DMXL2: variants seen among roughly 807,000 people sequenced by gnomAD.
DMXL2 encodes the protein dmX-like protein 2.
DMXL2 carries 103 observed loss-of-function variants against 331.1 expected under a neutral mutation model. The ratio of observed to expected loss-of-function variants is 0.31; its 90% CI spans 0.27 to 0.37. DMXL2 has a LOEUF of 0.37. DMXL2 is among the 10% of genes least tolerant of loss of function. The pLI is 1.00. For synonymous variants in DMXL2, 1,281 were observed against 1,252.1 expected, an observed-to-expected ratio of 1.02 and a Z score of -0.49; for missense variants, 3,171 against 3,642.9, an observed-to-expected ratio of 0.87 and a Z score of 3.33.
Position 51,535,691 on chromosome 15 carries a change from A to G in DMXL2, c.2408T>C (p.Leu803Ser). 1 of 1,606,458 alleles carries G rather than the reference A, an allele frequency of 6.2e-7. No individual in the cohort carries two copies. Among genetic ancestry groups the G allele is most frequent in the Non-Finnish European group, 8.5e-7 (1 of 1,176,654 alleles). Reference protein sequence around the residue: ...YQAVVDARKLLDELSDPESSK... With the variant: ...YQAVVDARKLSDELSDPESSK... ...AGATTCTGGGTCTGACAATTCATCT[A>G]ATAATTTCCTTGCATCCACTACAGC... Residue 803 changes from leucine to serine, a missense_variant, in exon 13 of 44, where the codon TTA (leucine) becomes TCA (serine). Coordinates refer to ENST00000560891, the MANE Select transcript of DMXL2 (RefSeq NM_001378457.1).
intron 9 of DMXL2, among the ~76,000 whole-genome samples, chr15:51,539,374 TCA>T (rs58154523): frequency 4.1e-4 from 63 of 152,306 alleles, no homozygotes; most frequent in African/African-American, 1.5e-3. Context: ...CCAACTTTTC[TCA>T]GTGTTTGAAA....
chr15:51,481,414 G>A lies in DMXL2; in HGVS notation c.5692C>T (p.Pro1898Ser). ...GAGAGTACCTCCAAGGCTAAAACAG[G>A]GCATCCAACTTTAAAATGAGCATTT... ...TANAHFKVGC[P>S]VLALEVLSKI... The change falls in exon 24 of 44, where the codon CCT (proline) becomes TCT (serine). Residue 1898 changes from proline to serine, a missense_variant. Physicochemically the swap from Pro to Ser is moderately conservative, Grantham distance 74. Coordinates refer to ENST00000560891, the MANE Select transcript of DMXL2 (RefSeq NM_001378457.1). 2 of 1,611,472 alleles carry A rather than the reference G, an allele frequency of 1.2e-6. No homozygotes were observed. Among genetic ancestry groups the A allele is most frequent in the East Asian group, 2.2e-5 (1 of 44,856 alleles).
At chr15:51,451,914 C>G (rs2039177259) in intron 41 of DMXL2, among the ~76,000 whole-genome samples, 2 of 152,198 alleles carry the variant, frequency 1.3e-5, no homozygotes, top group Admixed American at 6.5e-5. Context: ...GCATCCTCTA[C>G]CCCATCTCCT....
At chr15:51,511,239 C>T (rs1432497323) in intron 15 of DMXL2, among the ~76,000 whole-genome samples, 1 of 152,166 alleles carries the variant, frequency 6.6e-6, no homozygotes, top group Non-Finnish European at 1.5e-5. Context: ...AAGAAACTAT[C>T]ACCAGAATAA....
chr15:51,581,012 T>C lies in DMXL2; in HGVS notation c.88-4831A>G, dbSNP rs527710266. Among the ~76,000 whole-genome samples, 9 of 152,318 alleles carry C rather than the reference T, an allele frequency of 5.9e-5. No individual in the cohort carries two copies. The South Asian group carries it at 1.9e-3, about 32-fold the overall frequency. On this transcript the variant is annotated intron_variant, in intron 1 of 43. Transcript: ENST00000560891. ...TTTAAAGTTGTGCGAATGTGTTTCTTTTCTTTGCTGTGGTACTATTACCAC... is the reference window on the plus strand; with the variant it reads ...TTTAAAGTTGTGCGAATGTGTTTCTCTTCTTTGCTGTGGTACTATTACCAC...
At chr15:51,479,064 A>G (rs182170846) in intron 25 of DMXL2, among the ~76,000 whole-genome samples, 73 of 152,300 alleles carry the variant, frequency 4.8e-4, no homozygotes, top group African/African-American at 1.7e-3. Flanking sequence ...ATGTCTAGGA[A>G]CTAGAAATGT....
At chr15:51,493,987 A>G (rs538651643) in intron 19 of DMXL2, among the ~76,000 whole-genome samples, 2 of 152,278 alleles carry the variant, frequency 1.3e-5, no homozygotes, top group East Asian at 1.9e-4. Context: ...AATGTAAATG[A>G]GCACATTTCT....
At position 51,582,635 on chromosome 15, in the gene DMXL2, CT is replaced by C. The variant is rs1453928947; in HGVS notation, c.88-6455del. Among the ~76,000 whole-genome samples the C allele has an allele frequency of 2.0e-5, 3 of 152,106 alleles. No homozygotes were observed. In the East Asian group the frequency reaches 5.8e-4, roughly 29 times the overall value. On this transcript the variant is annotated intron_variant, in intron 1 of 43. Coordinates refer to ENST00000560891, the MANE Select transcript of DMXL2 (RefSeq NM_001378457.1). ...TAGTCACCTAATTAAAACCCTAGCT[CT>C]TTATGATACTCTCAGAATTATTAAT... is the stretch of plus-strand genomic sequence containing the variant.
intron 13 of DMXL2, among the ~76,000 whole-genome samples, chr15:51,533,080 G>A: frequency 6.6e-6 from 1 of 152,182 alleles, no homozygotes; most frequent in East Asian, 1.9e-4. Context: ...ACCCTTTACA[G>A]TCAGTAGAAT....
intron 38 of DMXL2, 23 bp from the exon 39 acceptor site, chr15:51,456,216 G>A (rs749324171): frequency 5.6e-6 from 9 of 1,601,498 alleles, no homozygotes; most frequent in Non-Finnish European, 7.7e-6. Flanking sequence ...AGAAAAAGCA[G>A]GAAATAAGAA....
intron 15 of DMXL2, among the ~76,000 whole-genome samples, chr15:51,509,135 T>C (rs74013275): frequency 1.8e-3 from 273 of 151,228 alleles, no homozygotes; most frequent in African/African-American, 6.5e-3. Flanking sequence ...GTACAGGCAA[T>C]ACAGTAGACA....
chr15:51,602,735 A>T (rs1211028966), intron 1 of DMXL2, among the ~76,000 whole-genome samples: 1 of 152,262 alleles, frequency 6.6e-6, no homozygotes, highest in African/African-American at 2.4e-5. Context: ...AAGGCTTTGA[A>T]AATGGAACTT....
chr15:51,587,611 T>A (rs186750726), intron 1 of DMXL2, among the ~76,000 whole-genome samples: 2 of 152,210 alleles, frequency 1.3e-5, no homozygotes, highest in Admixed American at 1.3e-4. Context: ...CTATTGTGAA[T>A]AGTGCCGCAG....
Position 51,498,904 on chromosome 15 carries a change from A to G in DMXL2, c.4320T>C (p.Asp1440=). The G allele has an allele frequency of 5.0e-6, 8 of 1,614,134 alleles. No individual in the cohort carries two copies. Among genetic ancestry groups the G allele is most frequent in the African/African-American group, 1.3e-5 (1 of 75,060 alleles). The change falls in exon 18 of 44, where the codon GAT becomes GAC. Residue 1440 remains aspartate, a synonymous_variant. Coordinates refer to ENST00000560891, the MANE Select transcript of DMXL2 (RefSeq NM_001378457.1). Reference sequence around the variant, plus strand: ...TTTCTTCTGAAATTCTGTAGGATGTATCTTGATCTGCAGCAAGTAATGCAT... The same window carrying G: ...TTTCTTCTGAAATTCTGTAGGATGTGTCTTGATCTGCAGCAAGTAATGCAT... ...PLYALLAADQ[D]TSYRISEEST... is the part of the protein sequence containing the mutation.
chr15:51,517,183 A>T lies in DMXL2; in HGVS notation c.2437-16T>A. ...CAATAAGTTTCTGTAAATAAAAAAC[A>T]CAAAATGTTAATGGCCAACAAATTA... On this transcript the variant is annotated splice_polypyrimidine_tract_variant and intron_variant, in intron 13 of 43. Coordinates refer to ENST00000560891, the MANE Select transcript of DMXL2 (RefSeq NM_001378457.1). The T allele has an allele frequency of 6.3e-7, 1 of 1,590,624 alleles. No individual in the cohort carries two copies. Among genetic ancestry groups the T allele is most frequent in the South Asian group, 1.1e-5 (1 of 90,522 alleles).
At chr15:51,583,028 G>A (rs2051552020) in intron 1 of DMXL2, among the ~76,000 whole-genome samples, 1 of 149,678 alleles carries the variant, frequency 6.7e-6, no homozygotes, top group Non-Finnish European at 1.5e-5. Context: ...ACACAATTCT[G>A]CCACTTATTT....
intron 1 of DMXL2, among the ~76,000 whole-genome samples, chr15:51,621,727 T>C (rs1432554602): frequency 1.3e-5 from 2 of 151,214 alleles, no homozygotes; most frequent in Non-Finnish European, 3.0e-5. Context: ...TGTAAATTTT[T>C]CACATTGCCT....
chr15:51,462,114 C>T (rs1159956992), intron 33 of DMXL2, among the ~76,000 whole-genome samples: 2 of 152,118 alleles, frequency 1.3e-5, no homozygotes, highest in Admixed American at 6.5e-5. Context: ...ATAGAGAAAA[C>T]AAATGACTGT....
At chr15:51,600,333 C>T (rs1245520148) in intron 1 of DMXL2, among the ~76,000 whole-genome samples, 1 of 152,132 alleles carries the variant, frequency 6.6e-6, no homozygotes, top group African/African-American at 2.4e-5. Flanking sequence ...TGACCCCAAA[C>T]CCTGCACAGA....
Sources: gnomAD v4.1 joint callset for allele counts (sites outside exome capture counted in the v4.1 genomes callset) on GRCh38, gnomAD v4.1.1 for gene constraint, MANE v1.5 for transcripts, NCBI Gene and HGNC (gene_info 2026-07-23, HGNC 2026-07-21) for gene names.